Variants in RNF111 observed in about 807,000 individuals in gnomAD.
RNF111 encodes ring finger protein 111, also known as E3 ubiquitin-protein ligase Arkadia.
In RNF111, 17 loss-of-function variants were observed where a neutral mutation model predicts 95.1. The ratio of observed to expected loss-of-function variants is 0.18; its 90% CI spans 0.12 to 0.27. The LOEUF is 0.27. Among genes scored for constraint, RNF111 ranks in the 10% least tolerant of loss-of-function variants. RNF111 has a pLI of 1.00. For synonymous variants in RNF111, 440 were observed against 414.8 expected, an observed-to-expected ratio of 1.06 and a Z score of -0.74; for missense variants, 1,189 against 1,210.4, an observed-to-expected ratio of 0.98 and a Z score of 0.26.
rs962950631 is a variant in RNF111 at position 59,084,276 on chromosome 15, A to G, written c.2423+22A>G. The G allele has an allele frequency of 6.4e-6, 10 of 1,558,664 alleles. No homozygotes were observed. The African/African-American group carries it at 8.3e-5, about 13-fold the overall frequency. ...CCTGGTCAGTATCTTCTTTAATTTC[A>G]AAACAGTGCTTCACAGCTTGTGGTA... On this transcript the variant is annotated intron_variant, in intron 9 of 13. Transcript: ENST00000348370.
At chr15:59,094,232 A>G (rs1162186959) in intron 13 of RNF111, among the ~76,000 whole-genome samples, 1 of 152,220 alleles carries the variant, frequency 6.6e-6, no homozygotes, top group Non-Finnish European at 1.5e-5. Context: ...TTAATCAGTT[A>G]TGTACTTAAG....
At chr15:59,086,711 T>C (rs1456211012) in intron 10 of RNF111, among the ~76,000 whole-genome samples, 1 of 152,178 alleles carries the variant, frequency 6.6e-6, no homozygotes, top group Non-Finnish European at 1.5e-5. Flanking sequence ...ATGTAGCAAA[T>C]AGCACAAGCA....
intron 1 of RNF111, among the ~76,000 whole-genome samples, chr15:58,999,955 G>A (rs1473727813): frequency 6.6e-6 from 1 of 151,992 alleles, no homozygotes; most frequent in Non-Finnish European, 1.5e-5. Flanking sequence ...TCCATAATGA[G>A]AACAGCACCA....
chr15:59,096,117 A>AAAT lies in RNF111; in HGVS notation c.*1217_*1218insAAT, dbSNP rs1667205470. On this transcript the variant is annotated 3_prime_UTR_variant, in exon 14 of 14. Coordinates refer to ENST00000348370, the MANE Select transcript of RNF111 (RefSeq NM_017610.8). ...CACTGATTTAAAATTTTTAATTTCT[A>AAAT]TAGTTAAGATTTACTGCATAATATA... The AAAT allele has an allele frequency of 2.5e-6, 1 of 398,440 alleles. No homozygotes were observed. Among genetic ancestry groups the AAAT allele is most frequent in the African/African-American group, 2.1e-5 (1 of 48,626 alleles). The allele number at this position is 398,440 out of a possible 1,614,324, so 24.7% of individuals were successfully genotyped here.
intron 10 of RNF111, among the ~76,000 whole-genome samples, chr15:59,086,995 G>A (rs952111812): frequency 1.3e-5 from 2 of 152,212 alleles, no homozygotes; most frequent in Non-Finnish European, 2.9e-5. Flanking sequence ...GGCAATTGTA[G>A]TTGGCATAAA....
At chr15:59,020,951 A>G (rs1238017742) in intron 1 of RNF111, among the ~76,000 whole-genome samples, 10 of 152,074 alleles carry the variant, frequency 6.6e-5, no homozygotes, top group African/African-American at 2.4e-4. Context: ...TTTGGGGAAC[A>G]GGTGGTGTTT....
intron 2 of RNF111, among the ~76,000 whole-genome samples, chr15:59,038,819 G>A (rs1184338707): frequency 6.6e-6 from 1 of 152,146 alleles, no homozygotes; most frequent in South Asian, 2.1e-4. Flanking sequence ...TGTGCTTTCT[G>A]TTGCGTCACA....
At chr15:59,061,949 T>A (rs545047475) in intron 5 of RNF111, among the ~76,000 whole-genome samples, 76 of 152,260 alleles carry the variant, frequency 5.0e-4, no homozygotes, top group African/African-American at 1.8e-3. Flanking sequence ...TCATCCCCCC[T>A]TTCACTAGCC....
Position 59,052,405 on chromosome 15 carries a change from GA to G in RNF111, c.982del (p.Ile328LeufsTer2). On this transcript the variant is annotated frameshift_variant, in exon 3 of 14. Transcript: ENST00000348370. LOFTEE classifies it high-confidence loss of function. ...TTACCTCAACTGACAGTGAAGTGGAGATTGTAACAGTTGGAGAAAGCTATCG... is the reference window on the plus strand; with the variant it reads ...TTACCTCAACTGACAGTGAAGTGGAGTTGTAACAGTTGGAGAAAGCTATCG... ...NVTSTDSEVE[I>X]VTVGESYRSR... 1 of 1,589,202 alleles carries G rather than the reference GA, an allele frequency of 6.3e-7. No individual in the cohort carries two copies. The highest frequency in any genetic ancestry group is 1.2e-5 in the South Asian group (1 of 84,802).
chr15:58,988,428 G>C (rs1342749945), intron 1 of RNF111: 3 of 152,598 alleles, frequency 2.0e-5, no homozygotes, highest in Non-Finnish European at 4.4e-5. Context: ...CGGGGAGTTG[G>C]AGGGCGCTAA....
chr15:59,029,871 A>T (rs1434029855), intron 1 of RNF111, among the ~76,000 whole-genome samples: 2 of 152,204 alleles, frequency 1.3e-5, no homozygotes, highest in Non-Finnish European at 2.9e-5. Context: ...TGTGTATGCT[A>T]TACTTAATAA....
At chr15:59,021,830 T>C (rs2040359601) in intron 1 of RNF111, among the ~76,000 whole-genome samples, 1 of 152,122 alleles carries the variant, frequency 6.6e-6, no homozygotes, top group Non-Finnish European at 1.5e-5. Flanking sequence ...TATAGCTTTT[T>C]GGTTATTGCT....
At chr15:59,045,487 C>A (rs2041666566) in intron 2 of RNF111, among the ~76,000 whole-genome samples, 2 of 152,106 alleles carry the variant, frequency 1.3e-5, no homozygotes, top group South Asian at 4.2e-4. Flanking sequence ...CTGCGCCCGG[C>A]CTTAGTTTTT....
At chr15:59,051,578 C>G (rs1039005357) in intron 2 of RNF111, among the ~76,000 whole-genome samples, 1 of 151,634 alleles carries the variant, frequency 6.6e-6, no homozygotes, top group African/African-American at 2.4e-5. Context: ...AATTTCAAGA[C>G]AAGCCTGGGC....
intron 1 of RNF111, among the ~76,000 whole-genome samples, chr15:59,013,478 T>G (rs529032277): frequency 4.6e-5 from 7 of 152,330 alleles, no homozygotes; most frequent in Admixed American, 4.6e-4. Flanking sequence ...AGTGGAATGT[T>G]TTTCTCATAG....
chr15:59,080,939 C>T lies in RNF111; in HGVS notation c.1952C>T (p.Ala651Val). 4 of 1,605,868 alleles carry T rather than the reference C, an allele frequency of 2.5e-6. No individual in the cohort carries two copies. The highest frequency in any genetic ancestry group is 1.7e-5 in the Admixed American group (1 of 59,202). The change falls in exon 8 of 14, where the codon GCC becomes GTC. Residue 651 changes from alanine (A) to valine (V), a missense_variant. Coordinates refer to ENST00000348370, the MANE Select transcript of RNF111 (RefSeq NM_017610.8). ...SCRHYMPPPY[A>V]SLTRPLHHQA... Reference sequence around the variant, plus strand: ...ACTCAAAATATTTTTCTTGCAGATGCCTCTTTGACAAGGCCACTTCATCAT... The same window carrying T: ...ACTCAAAATATTTTTCTTGCAGATGTCTCTTTGACAAGGCCACTTCATCAT...
chr15:59,028,676 A>G (rs1253676889), intron 1 of RNF111, among the ~76,000 whole-genome samples: 1 of 151,982 alleles, frequency 6.6e-6, no homozygotes, highest in Non-Finnish European at 1.5e-5. Context: ...GGCTGTTATG[A>G]CTAATGTTGC....
chr15:59,076,025 T>C lies in RNF111; in HGVS notation c.1758T>C (p.Ser586=), dbSNP rs1258226522. Residue 586 remains serine, a synonymous_variant, in exon 7 of 14, where the codon TCT becomes TCC. Coordinates refer to ENST00000348370, the MANE Select transcript of RNF111 (RefSeq NM_017610.8). ...GAAGTGGCAGTTTTCATGGAGCATC[T>C]GCATTTGACCCCTGCTGCCCTGTTT... ...SHGSGSFHGA[S]AFDPCCPVSS... is the part of the protein sequence containing the mutation. 1.9e-6 allele frequency: 3 copies of C among 1,614,240 alleles called. No homozygotes were observed. The highest frequency in any genetic ancestry group is 2.2e-5 in the East Asian group (1 of 44,882).
At chr15:59,005,979 C>A (rs968017436) in intron 1 of RNF111, among the ~76,000 whole-genome samples, 2 of 152,088 alleles carry the variant, frequency 1.3e-5, no homozygotes, top group Admixed American at 1.3e-4. Flanking sequence ...TTTTGAGTTG[C>A]CTGAGCAAAG....
Sources: allele counts gnomAD v4.1 joint callset (sites outside exome capture counted in the v4.1 genomes callset), GRCh38; gene constraint gnomAD v4.1.1; transcripts MANE v1.5; gene names NCBI Gene and HGNC (gene_info 2026-07-23, HGNC 2026-07-21).